The following MTA2 variants were observed in gnomAD, a reference collection of about 807,000 sequenced individuals.
MTA2 encodes metastasis-associated protein MTA2.
In MTA2, 22 loss-of-function variants were observed where a neutral mutation model predicts 87.1. That is an observed-to-expected ratio of 0.25 (90% CI 0.18 to 0.36). The LOEUF (loss-of-function observed/expected upper bound fraction) is 0.36, where lower values mean the gene tolerates loss of function less well. Among genes scored for constraint, MTA2 ranks in the 10% least tolerant of loss-of-function variants. The probability of loss-of-function intolerance (pLI) is 1.00; values close to 1 mark genes in which losing one functional copy is unlikely to be tolerated. For missense variants in MTA2, 542 were observed against 853.2 expected (o/e 0.64, Z 4.54); for synonymous variants, 314 against 310.1 (o/e 1.01, Z -0.13).
chr11:62,596,915 C>T (rs1168212782), intron 8 of MTA2, 90 bp from the exon 9 acceptor site: 118 of 1,338,114 alleles, frequency 8.8e-5, no homozygotes, highest in Non-Finnish European at 1.0e-4. Flanking sequence ...CCCGGCCGGG[C>T]GCGGTGGCTC....
chr11:62,601,145 A>C, intron 1 of MTA2: 2 of 511,046 alleles, frequency 3.9e-6, no homozygotes, highest in Non-Finnish European at 6.9e-6. Flanking sequence ...GCTCCTTCGG[A>C]ACCGGTTCCG....
intron 11 of MTA2, 59 bp downstream of exon 11, chr11:62,596,220 G>C: frequency 6.2e-7 from 1 of 1,601,028 alleles, no homozygotes; most frequent in Non-Finnish European, 8.6e-7. Context: ...CACTGAGGAA[G>C]GCACAAGTTA....
chr11:62,596,115 G>A lies in MTA2; in HGVS notation c.1017-8C>T, dbSNP rs1336043925. On this transcript the variant is annotated splice_polypyrimidine_tract_variant and splice_region_variant and intron_variant, in intron 11 of 17. Coordinates refer to ENST00000278823, the MANE Select transcript of MTA2 (RefSeq NM_004739.4). ...TTAGGGTTTGGCTTAGTGCTAACGG[G>A]GAAGGCGAGGAGAAGGGAAAAAAAC... 1.9e-6 allele frequency: 3 copies of A among 1,613,818 alleles called. No individual in the cohort carries two copies. Among genetic ancestry groups the A allele is most frequent in the African/African-American group, 1.3e-5 (1 of 74,876 alleles).
intron 1 of MTA2, chr11:62,601,145 A>G: frequency 2.0e-6 from 1 of 511,054 alleles, no homozygotes; most frequent in Non-Finnish European, 3.4e-6. Flanking sequence ...GCTCCTTCGG[A>G]ACCGGTTCCG....
At chr11:62,599,791 C>G (rs974161514) in intron 3 of MTA2, among the ~76,000 whole-genome samples, 3 of 152,142 alleles carry the variant, frequency 2.0e-5, no homozygotes, top group African/African-American at 4.8e-5. Context: ...GCCTGCTTCT[C>G]TGTTACGCAG....
At chr11:62,600,919 GA>G (rs1942179158) in intron 1 of MTA2, 2 of 537,572 alleles carry the variant, frequency 3.7e-6, no homozygotes, top group African/African-American at 3.8e-5. Flanking sequence ...GAGCCTTAAG[GA>G]ACAGGCAAGA....
In MTA2 at chr11:62,594,392, C is replaced by A. The variant is rs1308838381; in HGVS notation, c.1708G>T (p.Val570Phe). ...RAYETMAGAG[V>F]PFSANGRPLA... ...GGCCTTCCATTGGCAGAGAAAGGAA[C>A]CCCTGCCCCTGCCATCTGGAAAAGG... Residue 570 changes from valine to phenylalanine, a missense_variant, in exon 17 of 18, where the codon GTT (valine) becomes TTT (phenylalanine). Around this residue, in one of 6 missense-constraint regions of MTA2, gnomAD observed 269 missense variants for 346.4 expected, o/e 0.78. Transcript: ENST00000278823. The A allele has an allele frequency of 6.2e-7, 1 of 1,614,158 alleles. No homozygotes were observed. The highest frequency in any genetic ancestry group is 1.1e-5 in the South Asian group (1 of 91,088).
Position 62,594,383 on chromosome 11 carries a change from A to G in MTA2, c.1717T>C (p.Ser573Pro). 1 of 1,614,208 alleles carries G rather than the reference A, an allele frequency of 6.2e-7. No homozygotes were observed. Among genetic ancestry groups the G allele is most frequent in the Non-Finnish European group, 8.5e-7 (1 of 1,180,022 alleles). Residue 573 changes from serine (S) to proline (P), a missense_variant, in exon 17 of 18, where the codon TCT becomes CCT. Ser to Pro is a moderately conservative substitution (Grantham distance 74, BLOSUM62 -1). This residue lies in a region of MTA2 where 269 missense variants were observed against 346.4 expected (regional missense o/e 0.78). Coordinates refer to ENST00000278823, the MANE Select transcript of MTA2 (RefSeq NM_004739.4). ...GAAGCCAGAGGCCTTCCATTGGCAG[A>G]GAAAGGAACCCCTGCCCCTGCCATC... ...ETMAGAGVPF[S>P]ANGRPLASGI...
Position 62,593,324 on chromosome 11 carries a change from G to C in MTA2, c.*551C>G, listed in dbSNP as rs1792004112. Reference sequence around the variant, plus strand: ...GAGAACTGGCGTACAAAAGGCAGAGGGGGAGGGGAGGGAAGGAAAGAGCGA... The same window carrying C: ...GAGAACTGGCGTACAAAAGGCAGAGCGGGAGGGGAGGGAAGGAAAGAGCGA... On this transcript the variant is annotated 3_prime_UTR_variant, in exon 18 of 18. Coordinates refer to ENST00000278823, the MANE Select transcript of MTA2 (RefSeq NM_004739.4). The C allele has an allele frequency of 1.3e-5, 2 of 152,170 alleles. No individual in the cohort carries two copies. Among genetic ancestry groups the C allele is most frequent in the African/African-American group, 2.4e-5 (1 of 41,258 alleles). 9.4% of individuals were successfully genotyped at this position (152,170 alleles called of 1,614,324 possible). A position where few individuals can be genotyped will look rare whatever the true frequency, so the allele number is the denominator to read the frequency against.
Position 62,596,003 on chromosome 11 carries a change from A to G in MTA2, c.1114+7T>C. On this transcript the variant is annotated splice_region_variant and intron_variant, in intron 12 of 17. Transcript: ENST00000278823. ...ATCCCCACCATCCCAGTGCCCCCGT[A>G]ACTCACTGTGGCAACTCTCACAAGT... is the stretch of plus-strand genomic sequence containing the variant. 1.9e-6 allele frequency: 3 copies of G among 1,614,078 alleles called. No individual in the cohort carries two copies. The highest frequency in any genetic ancestry group is 2.5e-6 in the Non-Finnish European group (3 of 1,179,950).
In MTA2 at chr11:62,596,120, G is replaced by A. The variant is rs1360324143; in HGVS notation, c.1017-13C>T. 6.2e-7 allele frequency: 1 copy of A among 1,613,502 alleles called. No individual in the cohort carries two copies. Among genetic ancestry groups the A allele is most frequent in the African/African-American group, 1.3e-5 (1 of 74,850 alleles). ...GTTTGGCTTAGTGCTAACGGGGAAGGCGAGGAGAAGGGAAAAAAACAAGAA... is the reference window on the plus strand; with the variant it reads ...GTTTGGCTTAGTGCTAACGGGGAAGACGAGGAGAAGGGAAAAAAACAAGAA... On this transcript the variant is annotated splice_polypyrimidine_tract_variant and intron_variant, in intron 11 of 17. Transcript: ENST00000278823.
Position 62,594,029 on chromosome 11 carries a change from T to G in MTA2, c.1853A>C (p.Lys618Thr), listed in dbSNP as rs754861081. 1 of 1,605,056 alleles carries G rather than the reference T, an allele frequency of 6.2e-7. No homozygotes were observed. Among genetic ancestry groups the G allele is most frequent in the South Asian group, 1.1e-5 (1 of 89,756 alleles). Residue 618 changes from lysine (K) to threonine (T), a missense_variant, in exon 18 of 18, where the codon AAG (lysine) becomes ACG (threonine). Coordinates refer to ENST00000278823, the MANE Select transcript of MTA2 (RefSeq NM_004739.4). ...VATKDTRALR[K>T]ALTHLEMRRA... ...CCGCATTTCCAGATGGGTCAGAGCC[T>G]TCCGTAGGGCCCTGGCCAGAAAGAG...
intron 15 of MTA2, 126 bp downstream of exon 15, chr11:62,594,855 A>C (rs1311189122): frequency 1.0e-6 from 1 of 977,434 alleles, no homozygotes; most frequent in East Asian, 2.4e-5. Context: ...ATTAAACAAC[A>C]AAAGTACAGT....
At chr11:62,596,960 C>T (rs1381698136) in intron 8 of MTA2, 135 bp from the exon 9 acceptor site, 45 of 814,714 alleles carry the variant, frequency 5.5e-5, no homozygotes, top group South Asian at 9.3e-5. Context: ...GAAGCGGAGG[C>T]GGGCAGATCA....
intron 3 of MTA2, 25 bp from the exon 4 acceptor site, chr11:62,598,664 C>A (rs912104667): frequency 6.3e-7 from 1 of 1,598,942 alleles, no homozygotes; most frequent in South Asian, 1.1e-5. Context: ...AGGAAGAAAC[C>A]AAGTCAGAAA....
rs375790730 is a variant in MTA2 at position 62,600,200 on chromosome 11, A to G, written c.156T>C (p.Ser52=). 1 of 1,614,230 alleles carries G rather than the reference A, an allele frequency of 6.2e-7. No individual in the cohort carries two copies. Reference sequence around the variant, plus strand: ...TATCAGCCAGGCTGTTGAGGCTACTAGAAATGTCCCTGCGCCGGAAAAGAC... The same window carrying G: ...TATCAGCCAGGCTGTTGAGGCTACTGGAAATGTCCCTGCGCCGGAAAAGAC... ...VVCLFRRRDI[S]SSLNSLADSN... The change falls in exon 3 of 18, where the codon TCT becomes TCC. Residue 52 remains serine (S), a synonymous_variant. Coordinates refer to ENST00000278823, the MANE Select transcript of MTA2 (RefSeq NM_004739.4).
rs1942054460 is a variant in MTA2, at chr11:62,593,661, C to T, written c.*214G>A. The stretch of plus-strand genomic sequence containing the variant: ...GCTAGGTTCCCACATGGGCCAAGTT[C>T]CTGCAGTCTGTCCTCCATCGGCAAG... On this transcript the variant is annotated 3_prime_UTR_variant, in exon 18 of 18. Coordinates refer to ENST00000278823, the MANE Select transcript of MTA2 (RefSeq NM_004739.4). 2 of 575,626 alleles carry T rather than the reference C, an allele frequency of 3.5e-6. No homozygotes were observed. The highest frequency in any genetic ancestry group is 1.9e-5 in the African/African-American group (1 of 52,594). The allele number at this position is 575,626 out of a possible 1,614,324, so 35.7% of individuals were successfully genotyped here. A position where few individuals can be genotyped will look rare whatever the true frequency, so the allele number is the denominator to read the frequency against.
chr11:62,595,541 C>T lies in MTA2; in HGVS notation c.1255-49G>A. On this transcript the variant is annotated intron_variant, in intron 13 of 17. Coordinates refer to ENST00000278823, the MANE Select transcript of MTA2 (RefSeq NM_004739.4). This position sits in a 1 kb window ranked among gnomAD's most constrained non-coding sequence, Gnocchi z 4.9. ...GAGAGAGCAGAAATCAGCACTGAGG[C>T]TCCCTTCTTTCTTCCATTCCCTGCA... 1 of 1,594,720 alleles carries T rather than the reference C, an allele frequency of 6.3e-7. No homozygotes were observed. The highest frequency in any genetic ancestry group is 8.6e-7 in the Non-Finnish European group (1 of 1,164,892).
chr11:62,600,659 T>A lies in MTA2; in HGVS notation c.59A>T (p.Asn20Ile). Residue 20 changes from asparagine (N) to isoleucine (I), a missense_variant, in exon 2 of 18, where the codon AAT becomes ATT. Around this residue, in one of 6 missense-constraint regions of MTA2, gnomAD observed 150 missense variants for 243.9 expected, o/e 0.62. Transcript: ENST00000278823. ...CTCAATCCGTCTAACCAGGTAAGGA[T>A]TGCTGGAAGAGTTCTCAAAATAGAC... is the stretch of plus-strand genomic sequence containing the variant. ...DYVYFENSSS[N>I]PYLVRRIEEL... 1 of 1,613,904 alleles carries A rather than the reference T, an allele frequency of 6.2e-7. No homozygotes were observed. Among genetic ancestry groups the A allele is most frequent in the Non-Finnish European group, 8.5e-7 (1 of 1,179,932 alleles).
Sources: gnomAD v4.1 joint callset for allele counts (sites outside exome capture counted in the v4.1 genomes callset) on GRCh38, gnomAD v4.1.1 for gene constraint, gnomAD v4.1.1 regional missense constraint, Gnocchi (gnomAD v3.1) non-coding constraint, MANE v1.5 for transcripts, NCBI Gene and HGNC (gene_info 2026-07-23, HGNC 2026-07-21) for gene names.